Variants in CSMD1 observed in about 807,000 individuals in gnomAD.
The protein encoded by CSMD1 is CUB and sushi domain-containing protein 1.
CSMD1 carries 213 observed loss-of-function variants against 417.5 expected under a neutral mutation model. The observed-to-expected ratio is 0.51, with a 90% CI of 0.46 to 0.57. The LOEUF (loss-of-function observed/expected upper bound fraction) is 0.57, where lower values mean the gene tolerates loss of function less well. Ranked by LOEUF, CSMD1 falls within the 20% of genes least tolerant of loss-of-function variation. The pLI, the probability that CSMD1 is intolerant of heterozygous loss-of-function variation, is 0.00. For missense variants in CSMD1, 6,923 were observed against 4,529.7 expected (o/e 1.53, Z -15.17); for synonymous variants, 2,862 against 1,736.8 (o/e 1.65, Z -16.11).
chr8:3,819,924 G>C (rs189121682), intron 5 of CSMD1, among the ~76,000 whole-genome samples: 4 of 152,226 alleles, frequency 2.6e-5, no homozygotes, highest in Admixed American at 2.6e-4. Context: ...GACAAGACAC[G>C]CCACAGCTTC....
chr8:4,871,250 G>A (rs1802722561), intron 1 of CSMD1, among the ~76,000 whole-genome samples: 1 of 151,988 alleles, frequency 6.6e-6, no homozygotes, highest in Non-Finnish European at 1.5e-5. Flanking sequence ...TGTGGCTATT[G>A]TGACAGCCCA....
At chr8:3,788,520 T>C (rs943261757) in intron 5 of CSMD1, among the ~76,000 whole-genome samples, 1 of 152,170 alleles carries the variant, frequency 6.6e-6, no homozygotes, top group Non-Finnish European at 1.5e-5. Flanking sequence ...GTTTCCTTCA[T>C]CTCACCTCAG....
intron 3 of CSMD1, among the ~76,000 whole-genome samples, chr8:4,208,165 T>C (rs1049618293): frequency 1.3e-5 from 2 of 152,162 alleles, no homozygotes; most frequent in African/African-American, 2.4e-5. Context: ...TTGTGGAGGC[T>C]AAGGTGTTAG....
At chr8:4,912,135 A>AAAAAAAAAAAAAAAT (rs765904838) in intron 1 of CSMD1, among the ~76,000 whole-genome samples, 1 of 115,666 alleles carries the variant, frequency 8.6e-6, no homozygotes, top group Non-Finnish European at 1.9e-5. Flanking sequence ...AAAAAAAAAA[A>AAAAAAAAAAAAAAAT]AAAAAAGAAA....
At chr8:3,577,453 TA>T (rs989042029) in intron 9 of CSMD1, among the ~76,000 whole-genome samples, 1 of 152,194 alleles carries the variant, frequency 6.6e-6, no homozygotes, top group East Asian at 1.9e-4. Flanking sequence ...CATATTTTAA[TA>T]AAAAATTGTT....
intron 25 of CSMD1, among the ~76,000 whole-genome samples, chr8:3,302,161 G>A (rs1804462720): frequency 6.6e-6 from 1 of 152,154 alleles, no homozygotes; most frequent in African/African-American, 2.4e-5. Context: ...ATGAAATAAT[G>A]ATGAAATGTG....
chr8:3,800,127 T>A (rs1368643222), intron 5 of CSMD1, among the ~76,000 whole-genome samples: 1 of 152,182 alleles, frequency 6.6e-6, no homozygotes, highest in Non-Finnish European at 1.5e-5. Flanking sequence ...GCGCTATTTA[T>A]ATTGTGTATG....
intron 25 of CSMD1, among the ~76,000 whole-genome samples, chr8:3,295,250 G>C (rs373862665): frequency 9.2e-5 from 14 of 151,964 alleles, no homozygotes; most frequent in African/African-American, 3.4e-4. Context: ...TCAGCCTCCC[G>C]AGTAGCTGGG....
At chr8:4,738,354 A>C (rs993311271) in intron 1 of CSMD1, among the ~76,000 whole-genome samples, 2 of 152,166 alleles carry the variant, frequency 1.3e-5, no homozygotes, top group Non-Finnish European at 2.9e-5. Flanking sequence ...GCCTCAGAAA[A>C]CTTTCAATCG....
intron 5 of CSMD1, among the ~76,000 whole-genome samples, chr8:3,854,097 T>G (rs997912687): frequency 6.8e-6 from 1 of 146,254 alleles, no homozygotes; most frequent in Admixed American, 6.9e-5. Flanking sequence ...AAAATTACAT[T>G]ATACTTTATA....
At chr8:3,253,714 T>C (rs1800440911) in intron 26 of CSMD1, among the ~76,000 whole-genome samples, 1 of 152,178 alleles carries the variant, frequency 6.6e-6, no homozygotes, top group Non-Finnish European at 1.5e-5. Context: ...TTTTTTTGTT[T>C]TCTGTTTGCT....
chr8:3,667,691 C>A lies in CSMD1; in HGVS notation c.1009+40723G>T, dbSNP rs1197524477. On this transcript the variant is annotated intron_variant, in intron 7 of 69. Transcript: ENST00000635120. Reference sequence around the variant, plus strand: ...AGCAGTTGTCCACGCATGGTGATGACTGAATTGAGCTGTTAGAGGATTAGT... The same window carrying A: ...AGCAGTTGTCCACGCATGGTGATGAATGAATTGAGCTGTTAGAGGATTAGT... 2.6e-5 allele frequency among the ~76,000 whole-genome samples: 4 copies of A among 152,106 alleles called. No individual in the cohort carries two copies. The East Asian group carries it at 5.8e-4, about 22-fold the overall frequency.
At chr8:3,949,471 C>A (rs1212565731) in intron 5 of CSMD1, among the ~76,000 whole-genome samples, 1 of 152,000 alleles carries the variant, frequency 6.6e-6, no homozygotes, top group African/African-American at 2.4e-5. Context: ...TTTTAAGCAC[C>A]AATACTATAT....
At chr8:3,730,756 G>C (rs1231916183) in intron 6 of CSMD1, among the ~76,000 whole-genome samples, 1 of 152,108 alleles carries the variant, frequency 6.6e-6, no homozygotes, top group African/African-American at 2.4e-5. Context: ...GATAGGACCA[G>C]AGTTATGTGT....
chr8:4,392,273 G>C (rs1803898287), intron 3 of CSMD1, among the ~76,000 whole-genome samples: 1 of 152,162 alleles, frequency 6.6e-6, no homozygotes, highest in African/African-American at 2.4e-5. Context: ...TTTGCATGTA[G>C]CTGATAATAT....
intron 49 of CSMD1, among the ~76,000 whole-genome samples, chr8:3,083,605 A>C (rs1585305248): frequency 1.6e-5 from 1 of 64,386 alleles, no homozygotes; most frequent in African/African-American, 6.5e-5. Context: ...CAGTTACCAT[A>C]ATTTTTATAT....
intron 52 of CSMD1, among the ~76,000 whole-genome samples, chr8:3,013,012 C>G (rs1337131283): frequency 6.6e-6 from 1 of 152,148 alleles, no homozygotes; most frequent in African/African-American, 2.4e-5. Context: ...GTAAGATGTG[C>G]CTTTGCTTCT....
intron 8 of CSMD1, among the ~76,000 whole-genome samples, chr8:3,614,536 C>T (rs575658596): frequency 2.0e-5 from 3 of 152,288 alleles, no homozygotes; most frequent in African/African-American, 7.2e-5. Flanking sequence ...TTCACAACTT[C>T]CCTGTTAACT....
chr8:3,871,984 A>G (rs972115341), intron 5 of CSMD1, among the ~76,000 whole-genome samples: 2 of 152,224 alleles, frequency 1.3e-5, no homozygotes, highest in Admixed American at 1.3e-4. Context: ...ACAAACCTGC[A>G]CTATTTCCTA....
Sources: gnomAD v4.1 joint callset for allele counts (sites outside exome capture counted in the v4.1 genomes callset) on GRCh38, gnomAD v4.1.1 for gene constraint, MANE v1.5 for transcripts, NCBI Gene and HGNC (gene_info 2026-07-23, HGNC 2026-07-21) for gene names.